Variants in ADGRB3 observed in about 807,000 individuals in gnomAD.
ADGRB3 encodes brain-specific angiogenesis inhibitor 3.
ADGRB3 carries 37 observed loss-of-function variants against 193.4 expected under a neutral mutation model. That is an observed-to-expected ratio of 0.19 (90% CI 0.15 to 0.25). The LOEUF is 0.25. Among genes scored for constraint, ADGRB3 ranks in the 10% least tolerant of loss-of-function variants. The pLI, the probability that ADGRB3 is intolerant of heterozygous loss-of-function variation, is 1.00. For synonymous variants in ADGRB3, 690 were observed against 644.2 expected (o/e 1.07, Z -1.08); for missense variants, 1,637 against 1,852.9 (o/e 0.88, Z 2.14).
chr6:68,660,183 A>G (rs1190060726), intron 3 of ADGRB3, among the ~76,000 whole-genome samples: 1 of 150,634 alleles, frequency 6.6e-6, no homozygotes, highest in Non-Finnish European at 1.5e-5. Flanking sequence ...TTGACTAGAT[A>G]AAGACTAGGC....
At chr6:68,878,264 T>G (rs1326214743) in intron 3 of ADGRB3, among the ~76,000 whole-genome samples, 1 of 152,104 alleles carries the variant, frequency 6.6e-6, no homozygotes, top group Non-Finnish European at 1.5e-5. Flanking sequence ...ACTTCATTAT[T>G]ATAAGAAAGA....
At chr6:68,791,568 G>T (rs1219188019) in intron 3 of ADGRB3, among the ~76,000 whole-genome samples, 1 of 152,084 alleles carries the variant, frequency 6.6e-6, no homozygotes, top group Admixed American at 6.6e-5. Flanking sequence ...GTCTTAATCG[G>T]CAAACTAGAA....
At chr6:69,113,654 C>T (rs955483805) in intron 17 of ADGRB3, among the ~76,000 whole-genome samples, 1 of 152,050 alleles carries the variant, frequency 6.6e-6, no homozygotes, top group African/African-American at 2.4e-5. Flanking sequence ...TTTGTTACAA[C>T]ATTTCCTGGC....
intron 17 of ADGRB3, among the ~76,000 whole-genome samples, chr6:69,159,208 A>G (rs968792702): frequency 3.9e-5 from 6 of 151,976 alleles, no homozygotes; most frequent in Admixed American, 3.9e-4. Context: ...ACTCCTCCTA[A>G]TCTACTTTTA....
intron 17 of ADGRB3, among the ~76,000 whole-genome samples, chr6:69,149,383 G>A (rs1253386790): frequency 6.6e-6 from 1 of 151,704 alleles, no homozygotes; most frequent in African/African-American, 2.4e-5. Context: ...ATTTCTGCTT[G>A]ATTCTTTTTA....
At chr6:68,684,969 C>G (rs1764956631) in intron 3 of ADGRB3, among the ~76,000 whole-genome samples, 1 of 152,010 alleles carries the variant, frequency 6.6e-6, no homozygotes, top group South Asian at 2.1e-4. Flanking sequence ...CTTCTCAACC[C>G]TAAATATTGG....
At chr6:68,832,096 C>T (rs1052323701) in intron 3 of ADGRB3, among the ~76,000 whole-genome samples, 2 of 152,000 alleles carry the variant, frequency 1.3e-5, no homozygotes, top group Non-Finnish European at 2.9e-5. Flanking sequence ...TTAAAGCATA[C>T]ATTCTGAATT....
Position 69,139,152 on chromosome 6 carries a change from C to G in ADGRB3, c.2480+63114C>G, listed in dbSNP as rs538438144. On this transcript the variant is annotated intron_variant, in intron 17 of 31. Coordinates refer to ENST00000370598, the MANE Select transcript of ADGRB3 (RefSeq NM_001704.3). ...CCTGGTCGCACTTGATAGTCCGGAG[C>G]TTTCCCAAGGTAGCGCTTTACCGGG... Among the ~76,000 whole-genome samples, 4 of 152,316 alleles carry G rather than the reference C, an allele frequency of 2.6e-5. No individual in the cohort carries two copies. In the South Asian group the frequency reaches 8.3e-4, roughly 32 times the overall value.
At chr6:68,661,769 C>A (rs1355625959) in intron 3 of ADGRB3, among the ~76,000 whole-genome samples, 1 of 150,366 alleles carries the variant, frequency 6.7e-6, no homozygotes, top group Non-Finnish European at 1.5e-5. Context: ...AAATAGTTAT[C>A]ATGAAGGAGG....
At chr6:68,874,451 G>A (rs964132632) in intron 3 of ADGRB3, among the ~76,000 whole-genome samples, 1 of 151,984 alleles carries the variant, frequency 6.6e-6, no homozygotes, top group Non-Finnish European at 1.5e-5. Context: ...TTATCAAAGG[G>A]CATTTAGTGT....
At position 68,635,541 on chromosome 6, in the gene ADGRB3, C is replaced by T. The variant is rs1204812036; in HGVS notation, c.-647C>T. 6.5e-6 allele frequency: 1 copy of T among 153,842 alleles called. No individual in the cohort carries two copies. The highest frequency in any genetic ancestry group is 1.4e-5 in the Non-Finnish European group (1 of 69,390). 9.5% of individuals were successfully genotyped at this position (153,842 alleles called of 1,614,324 possible). On this transcript the variant is annotated 5_prime_UTR_variant, in exon 1 of 32. Transcript: ENST00000370598. ...TCCTGTAATAAACCCACCGCCCCAACAAATCTGCCATAGCAGCCGCCGCCG... is the reference window on the plus strand; with the variant it reads ...TCCTGTAATAAACCCACCGCCCCAATAAATCTGCCATAGCAGCCGCCGCCG...
At chr6:69,380,457 AAC>A (rs1769923781) in intron 30 of ADGRB3, among the ~76,000 whole-genome samples, 1 of 151,990 alleles carries the variant, frequency 6.6e-6, no homozygotes, top group South Asian at 2.1e-4. Context: ...CTTTGGCATC[AAC>A]TCTCTTAGAA....
intron 17 of ADGRB3, among the ~76,000 whole-genome samples, chr6:69,182,378 T>C (rs1447058893): frequency 7.3e-6 from 1 of 137,696 alleles, no homozygotes; most frequent in Non-Finnish European, 1.6e-5. Flanking sequence ...AGTAAAAAAA[T>C]GAAATAAAAT....
At chr6:69,320,271 AT>A (rs1177108306) in intron 20 of ADGRB3, among the ~76,000 whole-genome samples, 47 of 151,528 alleles carry the variant, frequency 3.1e-4, no homozygotes, top group Middle Eastern at 3.4e-3. Flanking sequence ...CTTCATGGCT[AT>A]ATTTTTAAAA....
intron 3 of ADGRB3, among the ~76,000 whole-genome samples, chr6:68,879,516 C>G (rs956081396): frequency 6.6e-6 from 1 of 152,158 alleles, no homozygotes; most frequent in Non-Finnish European, 1.5e-5. Flanking sequence ...GCGTGAGCCA[C>G]CGCGCCTGGC....
intron 3 of ADGRB3, among the ~76,000 whole-genome samples, chr6:68,775,812 G>A (rs752960351): frequency 3.9e-5 from 6 of 152,108 alleles, no homozygotes; most frequent in Non-Finnish European, 7.4e-5. Context: ...AATCCAGGCA[G>A]CCTGGCTGCC....
Position 69,364,380 on chromosome 6 carries a change from G to A in ADGRB3, c.4239+2868G>A, listed in dbSNP as rs558426677. On this transcript the variant is annotated intron_variant, in intron 29 of 31. Transcript: ENST00000370598. ...AAGTATTTATTCAAATAAGCAAGAAGCAACAAAGAAAGAAGGAGGCTCCCC... is the reference window on the plus strand; with the variant it reads ...AAGTATTTATTCAAATAAGCAAGAAACAACAAAGAAAGAAGGAGGCTCCCC... 1.1e-4 allele frequency among the ~76,000 whole-genome samples: 16 copies of A among 152,112 alleles called. No homozygotes were observed. The East Asian group carries it at 2.9e-3, about 28-fold the overall frequency.
intron 3 of ADGRB3, among the ~76,000 whole-genome samples, chr6:68,679,551 A>G (rs1256546074): frequency 6.6e-6 from 1 of 152,146 alleles, no homozygotes; most frequent in Non-Finnish European, 1.5e-5. Flanking sequence ...TTCAGGAAAA[A>G]AAAAATACAT....
intron 3 of ADGRB3, among the ~76,000 whole-genome samples, chr6:68,716,516 T>G (rs1216265340): frequency 6.9e-6 from 1 of 144,458 alleles, no homozygotes. Context: ...CACAGCTCAT[T>G]TTTTTTTTTT....
Sources: gnomAD v4.1 joint callset for allele counts (sites outside exome capture counted in the v4.1 genomes callset) on GRCh38, gnomAD v4.1.1 for gene constraint, MANE v1.5 for transcripts, NCBI Gene and HGNC (gene_info 2026-07-23, HGNC 2026-07-21) for gene names.